RRM2B: variants seen among roughly 807,000 people sequenced by gnomAD.
RRM2B encodes the protein ribonucleoside-diphosphate reductase subunit M2 B.
Under a neutral mutation model 45.9 loss-of-function variants are expected in RRM2B, and 20 were observed. The ratio of observed to expected loss-of-function variants is 0.44; its 90% CI spans 0.31 to 0.63. The LOEUF is 0.63. Among genes scored for constraint, RRM2B ranks in the 30% least tolerant of loss-of-function variants. The pLI, the probability that RRM2B is intolerant of heterozygous loss-of-function variation, is 0.09. For synonymous variants in RRM2B, 124 were observed against 132.3 expected, an observed-to-expected ratio of 0.94 and a Z score of 0.43; for missense variants, 320 against 414.7, an observed-to-expected ratio of 0.77 and a Z score of 1.98.
rs1293589668 is a variant in RRM2B at position 102,205,227 on chromosome 8, A to T, written c.*2906T>A. On this transcript the variant is annotated 3_prime_UTR_variant, in exon 9 of 9. Coordinates refer to ENST00000251810, the MANE Select transcript of RRM2B (RefSeq NM_015713.5). ...CATTAGCCCTTAGTTCAGTATCTAC[A>T]AATGAAATTTGGGAATTCTATGACA... 4 of 152,224 alleles carry T rather than the reference A, an allele frequency of 2.6e-5. No individual in the cohort carries two copies. The highest frequency in any genetic ancestry group is 1.3e-4 in the Admixed American group (2 of 15,280). The allele number at this position is 152,224 out of a possible 1,614,324, so 9.4% of individuals were successfully genotyped here. A position where few individuals can be genotyped will look rare whatever the true frequency, so the allele number is the denominator to read the frequency against.
chr8:102,237,030 C>T (rs759973746), intron 1 of RRM2B, among the ~76,000 whole-genome samples: 4 of 151,626 alleles, frequency 2.6e-5, no homozygotes, highest in South Asian at 4.1e-4. Context: ...CATAGTCATA[C>T]ACTACTTGTA....
intron 6 of RRM2B, among the ~76,000 whole-genome samples, chr8:102,218,280 C>A (rs1456995299): frequency 6.6e-6 from 1 of 152,048 alleles, no homozygotes; most frequent in Admixed American, 6.6e-5. Flanking sequence ...CCTAGGAGGA[C>A]ACTGATATTA....
Position 102,208,100 on chromosome 8 carries a change from A to G in RRM2B, c.*33T>C. 1 of 1,580,776 alleles carries G rather than the reference A, an allele frequency of 6.3e-7. No individual in the cohort carries two copies. Among genetic ancestry groups the G allele is most frequent in the Non-Finnish European group, 8.7e-7 (1 of 1,152,318 alleles). ...GAAAATAGACTACTATTTACCAATG[A>G]CAAGTTTATAGAGTTTTAAAACGAG... On this transcript the variant is annotated 3_prime_UTR_variant, in exon 9 of 9. Coordinates refer to ENST00000251810, the MANE Select transcript of RRM2B (RefSeq NM_015713.5).
chr8:102,230,473 G>C (rs774512249), intron 2 of RRM2B, among the ~76,000 whole-genome samples: 5 of 152,112 alleles, frequency 3.3e-5, no homozygotes, highest in Non-Finnish European at 7.4e-5. Flanking sequence ...GAACGAAAAA[G>C]CCACCTGCGT....
intron 5 of RRM2B, among the ~76,000 whole-genome samples, chr8:102,223,031 G>C (rs1438438236): frequency 6.6e-6 from 1 of 152,016 alleles, no homozygotes; most frequent in Non-Finnish European, 1.5e-5. Context: ...AGGGGCCTGA[G>C]ACCAAAAATT....
At chr8:102,225,474 C>T (rs28928570) in intron 3 of RRM2B, among the ~76,000 whole-genome samples, 5,395 of 152,052 alleles carry the variant, frequency 0.035, 165 homozygotes, top group Admixed American at 0.086. Context: ...CCTCGTGATC[C>T]GCCCACCTCA....
intron 1 of RRM2B, chr8:102,238,305 C>T (rs974542133): frequency 6.0e-6 from 2 of 335,278 alleles, no homozygotes; most frequent in African/African-American, 4.3e-5. Context: ...AACTGGCCTC[C>T]TACCCTGATT....
At chr8:102,238,799 AGGG>A (rs750985453) in intron 1 of RRM2B, 25 bp downstream of exon 1, 3 of 1,613,752 alleles carry the variant, frequency 1.9e-6, no homozygotes, top group Non-Finnish European at 2.5e-6. Flanking sequence ...GACTGCGGTG[AGGG>A]GGAAGACGCA....
At chr8:102,215,708 G>A (rs1431408496) in intron 6 of RRM2B, among the ~76,000 whole-genome samples, 1 of 152,086 alleles carries the variant, frequency 6.6e-6, no homozygotes, top group Non-Finnish European at 1.5e-5. Context: ...CACTTTGGGA[G>A]GCCAAGTTGG....
Position 102,207,655 on chromosome 8 carries a change from T to C in RRM2B, c.*478A>G, listed in dbSNP as rs1810567142. On this transcript the variant is annotated 3_prime_UTR_variant, in exon 9 of 9. Coordinates refer to ENST00000251810, the MANE Select transcript of RRM2B (RefSeq NM_015713.5). ...GAAATGAGAGTATTTTATTACAACA[T>C]CATTGCAATTAATATTATCAATGAA... 6.5e-6 allele frequency: 1 copy of C among 154,012 alleles called. No individual in the cohort carries two copies. The highest frequency in any genetic ancestry group is 1.4e-5 in the Non-Finnish European group (1 of 69,204). The allele number at this position is 154,012 out of a possible 1,614,324, so 9.5% of individuals were successfully genotyped here.
chr8:102,236,718 G>A (rs946793310), intron 1 of RRM2B, among the ~76,000 whole-genome samples: 1 of 152,244 alleles, frequency 6.6e-6, no homozygotes, highest in African/African-American at 2.4e-5. Context: ...CCGCACAGGT[G>A]TAAAGTGATG....
intron 6 of RRM2B, among the ~76,000 whole-genome samples, chr8:102,217,286 G>GA (rs879527124): frequency 1.3e-5 from 2 of 151,760 alleles, no homozygotes; most frequent in Admixed American, 6.6e-5. Context: ...ATTAAATGTA[G>GA]AAAAAAAGTC....
chr8:102,213,287 C>A (rs1338091107), intron 7 of RRM2B, among the ~76,000 whole-genome samples: 1 of 151,864 alleles, frequency 6.6e-6, no homozygotes, highest in East Asian at 1.9e-4. Context: ...AAGAAAAACT[C>A]AATTAACAAA....
chr8:102,229,880 C>T (rs920527171), intron 2 of RRM2B, among the ~76,000 whole-genome samples: 1 of 152,060 alleles, frequency 6.6e-6, no homozygotes, highest in Non-Finnish European at 1.5e-5. Context: ...CCACCATGCT[C>T]GACCTCTTAT....
intron 1 of RRM2B, among the ~76,000 whole-genome samples, chr8:102,236,843 C>T (rs1026514295): frequency 6.6e-6 from 1 of 152,196 alleles, no homozygotes; most frequent in African/African-American, 2.4e-5. Context: ...AGTTGGAAGA[C>T]ATGCCTGGGC....
chr8:102,227,224 G>A (rs1460086123), intron 2 of RRM2B, among the ~76,000 whole-genome samples: 1 of 152,074 alleles, frequency 6.6e-6, no homozygotes, highest in African/African-American at 2.4e-5. Flanking sequence ...TTTTGAAAAT[G>A]TTCATTAGAA....
chr8:102,209,983 G>A (rs141130396), intron 8 of RRM2B, among the ~76,000 whole-genome samples: 1 of 152,324 alleles, frequency 6.6e-6, no homozygotes, highest in Non-Finnish European at 1.5e-5. Context: ...TAGATTAGTG[G>A]TTGCCTAAGG....
intron 5 of RRM2B, 152 bp downstream of exon 5, chr8:102,223,894 T>G (rs1810878344): frequency 1.4e-6 from 1 of 706,180 alleles, no homozygotes; most frequent in Non-Finnish European, 2.6e-6. Flanking sequence ...TAATTAATTA[T>G]TAGGAATAAT....
intron 1 of RRM2B, among the ~76,000 whole-genome samples, chr8:102,235,581 C>G (rs1811105763): frequency 6.6e-6 from 1 of 152,236 alleles, no homozygotes; most frequent in African/African-American, 2.4e-5. Flanking sequence ...TGCCTCACGC[C>G]TGTAATCCCA....
Sources: gnomAD v4.1 joint callset for allele counts (sites outside exome capture counted in the v4.1 genomes callset) on GRCh38, gnomAD v4.1.1 for gene constraint, MANE v1.5 for transcripts, NCBI Gene and HGNC (gene_info 2026-07-23, HGNC 2026-07-21) for gene names.